NRP1: variants seen among roughly 807,000 people sequenced by gnomAD.
NRP1 encodes neuropilin-1.
In NRP1, 35 loss-of-function variants were observed where a neutral mutation model predicts 106.7. That is an observed-to-expected ratio of 0.33 (90% confidence interval 0.25 to 0.43). The LOEUF (loss-of-function observed/expected upper bound fraction) is 0.43. Among genes scored for constraint, NRP1 ranks in the 20% least tolerant of loss-of-function variants. The pLI, the probability that NRP1 is intolerant of heterozygous loss-of-function variation, is 1.00. For synonymous variants in NRP1, 437 were observed against 417.9 expected, an observed-to-expected ratio of 1.05 and a Z score of -0.56; for missense variants, 1,024 against 1,170.4, an observed-to-expected ratio of 0.87 and a Z score of 1.83.
At chr10:33,263,526 G>A (rs1842714462) in intron 4 of NRP1, 120 bp downstream of exon 4, 1 of 682,364 alleles carries the variant, frequency 1.5e-6, no homozygotes, top group Non-Finnish European at 2.5e-6. Flanking sequence ...GTTTTGCTTT[G>A]TTTTCCAGTG....
rs553938369 is a variant in NRP1 at position 33,200,606 on chromosome 10, G to A, written c.1864+2285C>T. On this transcript the variant is annotated intron_variant, in intron 11 of 16. Transcript: ENST00000374867. ...TACCTATTAGGGTTAAAGCAATAAC[G>A]CTCTTGGTTTGGTTTCATCACACTA... Among the ~76,000 whole-genome samples the A allele has an allele frequency of 2.7e-4, 41 of 152,246 alleles. 1 individual carries two copies. The highest frequency in any genetic ancestry group is 1.8e-3 in the Admixed American group (27 of 15,286).
intron 12 of NRP1, 74 bp from the exon 13 acceptor site, chr10:33,192,492 C>T: frequency 6.6e-7 from 1 of 1,504,712 alleles, no homozygotes; most frequent in Non-Finnish European, 9.1e-7. Context: ...TCACAAAGGC[C>T]CTTGGTTCAC....
chr10:33,264,396 G>A lies in NRP1; in HGVS notation c.431-523C>T, dbSNP rs80264065. On this transcript the variant is annotated intron_variant, in intron 3 of 16. Transcript: ENST00000374867. ...ACAAACGAAATGTGAAAGGTAATTC[G>A]TACATGTACCAAGGGTGAGTGACTC... is the stretch of plus-strand genomic sequence containing the variant. Among the ~76,000 whole-genome samples the A allele has an allele frequency of 1.5e-3, 223 of 152,298 alleles. 1 individual carries two copies. In the East Asian group the frequency reaches 0.038, roughly 26 times the overall value.
chr10:33,259,735 T>A (rs1842449182), intron 4 of NRP1, among the ~76,000 whole-genome samples: 1 of 152,224 alleles, frequency 6.6e-6, no homozygotes, highest in Non-Finnish European at 1.5e-5. Flanking sequence ...ATCCTTTGCA[T>A]TTTCCCATTA....
chr10:33,304,663 A>G (rs1451135038), intron 2 of NRP1, among the ~76,000 whole-genome samples: 1 of 152,020 alleles, frequency 6.6e-6, no homozygotes, highest in Admixed American at 6.6e-5. Context: ...AATGAGAATG[A>G]CCCCATCTAA....
intron 6 of NRP1, among the ~76,000 whole-genome samples, chr10:33,245,004 C>T (rs1370527492): frequency 6.6e-6 from 1 of 152,022 alleles, no homozygotes; most frequent in Non-Finnish European, 1.5e-5. Flanking sequence ...CTTTTAAAAG[C>T]TAAAAATAGG....
chr10:33,310,880 A>G (rs879763259), intron 2 of NRP1, among the ~76,000 whole-genome samples: 25 of 152,196 alleles, frequency 1.6e-4, no homozygotes, highest in Non-Finnish European at 3.1e-4. Context: ...AAGACGACCT[A>G]CAGTTTCTAT....
intron 2 of NRP1, among the ~76,000 whole-genome samples, chr10:33,294,110 A>C (rs1845202007): frequency 6.6e-6 from 1 of 152,212 alleles, no homozygotes; most frequent in Admixed American, 6.5e-5. Flanking sequence ...TCCAAATAAC[A>C]TGCTGATCGC....
At chr10:33,284,715 T>G (rs554770908) in intron 2 of NRP1, among the ~76,000 whole-genome samples, 11 of 152,350 alleles carry the variant, frequency 7.2e-5, no homozygotes, top group African/African-American at 2.6e-4. Context: ...AGGGAAATGC[T>G]GCAAATAATG....
At chr10:33,302,070 G>A (rs574890356) in intron 2 of NRP1, among the ~76,000 whole-genome samples, 3 of 152,132 alleles carry the variant, frequency 2.0e-5, no homozygotes, top group Non-Finnish European at 2.9e-5. Flanking sequence ...AGACTACTTA[G>A]TACAGAGTCT....
At chr10:33,296,257 G>A (rs1845376830) in intron 2 of NRP1, among the ~76,000 whole-genome samples, 1 of 152,220 alleles carries the variant, frequency 6.6e-6, no homozygotes, top group South Asian at 2.1e-4. Flanking sequence ...TTTCAGTGAG[G>A]ACAGGAACCC....
At chr10:33,195,413 G>A (rs889688815) in intron 12 of NRP1, 2 of 459,910 alleles carry the variant, frequency 4.3e-6, no homozygotes, top group Non-Finnish European at 8.7e-6. Flanking sequence ...TTACATAAAA[G>A]TATATAAATA....
intron 6 of NRP1, among the ~76,000 whole-genome samples, chr10:33,230,595 ATATG>A (rs1477055097): frequency 0.014 from 1,635 of 116,760 alleles, 9 homozygotes; most frequent in Non-Finnish European, 0.022. Context: ...AGTTTCTCAT[ATATG>A]TGTGTGTGTG....
At chr10:33,285,956 A>C (rs538145885) in intron 2 of NRP1, among the ~76,000 whole-genome samples, 11 of 152,228 alleles carry the variant, frequency 7.2e-5, no homozygotes, top group Non-Finnish European at 2.9e-5. Context: ...TGAGTATTCC[A>C]AGTCTTCCTT....
Position 33,207,568 on chromosome 10 carries a change from T to A in NRP1, c.1759+4A>T. The stretch of plus-strand genomic sequence containing the variant: ...TGAGAAGTAACTCTGGAGATCATAA[T>A]TACCTTCCACTTCACAGCCCAGCAG... On this transcript the variant is annotated splice_donor_region_variant and intron_variant, in intron 10 of 16. Transcript: ENST00000374867. 1 of 1,614,002 alleles carries A rather than the reference T, an allele frequency of 6.2e-7. No individual in the cohort carries two copies. Among genetic ancestry groups the A allele is most frequent in the East Asian group, 2.2e-5 (1 of 44,862 alleles).
chr10:33,299,213 A>G (rs1845626017), intron 2 of NRP1, among the ~76,000 whole-genome samples: 1 of 151,904 alleles, frequency 6.6e-6, no homozygotes, highest in South Asian at 2.1e-4. Flanking sequence ...CCTGCACCCC[A>G]CCCTACAAAG....
intron 9 of NRP1, among the ~76,000 whole-genome samples, chr10:33,209,464 C>A (rs1372048970): frequency 6.6e-6 from 1 of 152,058 alleles, no homozygotes; most frequent in African/African-American, 2.4e-5. Flanking sequence ...CCATCTAGTC[C>A]AGTCTCCTCA....
intron 2 of NRP1, among the ~76,000 whole-genome samples, chr10:33,318,766 TTTGGTGGCCAAAACCACGATAAC>T (rs1847221567): frequency 6.8e-6 from 1 of 147,390 alleles, no homozygotes; most frequent in African/African-American, 2.5e-5. Context: ...TTATCGTGGT[TTTGGTGGCCAAAACCACGATAAC>T]TTTTGCGCCA....
intron 2 of NRP1, among the ~76,000 whole-genome samples, chr10:33,322,142 T>C (rs1162990661): frequency 2.0e-5 from 3 of 152,106 alleles, no homozygotes; most frequent in African/African-American, 7.2e-5. Flanking sequence ...GAAGGGAATG[T>C]GGCCTTCTCA....
Sources: gnomAD v4.1 joint callset for allele counts (sites outside exome capture counted in the v4.1 genomes callset) on GRCh38, gnomAD v4.1.1 for gene constraint, MANE v1.5 for transcripts, NCBI Gene and HGNC (gene_info 2026-07-23, HGNC 2026-07-21) for gene names.